PACSIN2: variants seen among roughly 807,000 people sequenced by gnomAD.
PACSIN2 encodes protein kinase C and casein kinase substrate in neurons 2.
A neutral mutation model predicts 63.8 loss-of-function variants in PACSIN2; 25 were observed. That is an observed-to-expected ratio of 0.39 (90% CI 0.29 to 0.55). The LOEUF is 0.55. Among genes scored for constraint, PACSIN2 ranks in the 20% least tolerant of loss-of-function variants. The probability of loss-of-function intolerance (pLI) is 0.62; values close to 1 mark genes in which losing one functional copy is unlikely to be tolerated. For synonymous variants in PACSIN2, 255 were observed against 256.2 expected (o/e 1.00, Z 0.05); for missense variants, 518 against 646.9 (o/e 0.80, Z 2.16).
Position 42,871,222 on chromosome 22 carries a change from G to A in PACSIN2, c.*135C>T. The A allele has an allele frequency of 1.5e-6, 1 of 658,258 alleles. No homozygotes were observed. The highest frequency in any genetic ancestry group is 2.8e-6 in the Non-Finnish European group (1 of 361,154). 40.8% of individuals were successfully genotyped at this position (658,258 alleles called of 1,614,324 possible). ...CCCAGGCGAAATGACCAGCTCATCT[G>A]CCTTCCAGGAACACCATGAAGCCAA... is the stretch of plus-strand genomic sequence containing the variant. On this transcript the variant is annotated 3_prime_UTR_variant, in exon 11 of 11. Transcript: ENST00000263246. The surrounding 1 kb of genome is among the most constrained non-coding windows in gnomAD (Gnocchi z 5.4).
At chr22:42,890,886 G>A (rs752867245) in intron 4 of PACSIN2, 61 bp downstream of exon 4, 8 of 1,358,344 alleles carry the variant, frequency 5.9e-6, no homozygotes, top group African/African-American at 2.9e-5. Context: ...AGGAGGTGGT[G>A]CTGCTAGTGG....
intron 1 of PACSIN2, among the ~76,000 whole-genome samples, chr22:43,010,302 C>G (rs1274379913): frequency 6.6e-6 from 1 of 150,764 alleles, no homozygotes; most frequent in East Asian, 1.9e-4. Flanking sequence ...ACTTTGGGAA[C>G]CCGAGATGGG....
intron 1 of PACSIN2, among the ~76,000 whole-genome samples, chr22:43,006,332 C>T (rs887101657): frequency 2.0e-5 from 3 of 152,146 alleles, no homozygotes; most frequent in African/African-American, 7.2e-5. Context: ...GTTTTGGAGA[C>T]ATTGAAACAT....
intron 1 of PACSIN2, among the ~76,000 whole-genome samples, chr22:43,010,398 A>ATTTTT (rs1555950816): frequency 1.6e-5 from 2 of 126,410 alleles, no homozygotes; most frequent in South Asian, 5.4e-4. Context: ...ATATATATAT[A>ATTTTT]TTTTTTTTTA....
intron 1 of PACSIN2, among the ~76,000 whole-genome samples, chr22:42,918,296 C>A (rs980078017): frequency 1.3e-5 from 2 of 152,124 alleles, no homozygotes; most frequent in South Asian, 2.1e-4. Flanking sequence ...TTATATCCCC[C>A]AAAGACAGCT....
At chr22:42,941,645 TA>T (rs1490704896) in intron 1 of PACSIN2, among the ~76,000 whole-genome samples, 1 of 152,264 alleles carries the variant, frequency 6.6e-6, no homozygotes, top group Non-Finnish European at 1.5e-5. Flanking sequence ...TGACTAGTGA[TA>T]TTGGGTATCT....
intron 2 of PACSIN2, among the ~76,000 whole-genome samples, chr22:42,896,371 CG>C (rs1930284844): frequency 1.8e-5 from 1 of 55,234 alleles, no homozygotes; most frequent in Non-Finnish European, 5.2e-5. Context: ...AAGTAGTATT[CG>C]ATTGTGTAGT....
At chr22:42,944,753 A>G (rs1933334581) in intron 1 of PACSIN2, among the ~76,000 whole-genome samples, 1 of 152,218 alleles carries the variant, frequency 6.6e-6, no homozygotes, top group African/African-American at 2.4e-5. Flanking sequence ...AATTGGGTAT[A>G]AGCAAAAAAG....
At chr22:43,002,063 A>T (rs1923802692) in intron 1 of PACSIN2, among the ~76,000 whole-genome samples, 1 of 152,186 alleles carries the variant, frequency 6.6e-6, no homozygotes, top group Non-Finnish European at 1.5e-5. Flanking sequence ...GAACAGAAAA[A>T]CAAACAAGCA....
chr22:42,926,309 G>A (rs772616672), intron 1 of PACSIN2, among the ~76,000 whole-genome samples: 1 of 152,150 alleles, frequency 6.6e-6, no homozygotes, highest in African/African-American at 2.4e-5. Flanking sequence ...GCAGGTCCTA[G>A]GCCCTCCAGA....
At chr22:42,958,050 CTGAG>C (rs1304245795) in intron 1 of PACSIN2, among the ~76,000 whole-genome samples, 1 of 151,696 alleles carries the variant, frequency 6.6e-6, no homozygotes, top group Non-Finnish European at 1.5e-5. Flanking sequence ...TGAATAAAAG[CTGAG>C]TGTTTGAAAG....
chr22:42,876,844 CAG>C (rs767225259), intron 9 of PACSIN2, 42 bp downstream of exon 9: 3 of 1,612,582 alleles, frequency 1.9e-6, no homozygotes, highest in Admixed American at 1.7e-5. Flanking sequence ...GGAAGAGAGA[CAG>C]AGTGAGCGCG....
chr22:42,944,204 C>G (rs1933305231), intron 1 of PACSIN2, among the ~76,000 whole-genome samples: 1 of 152,168 alleles, frequency 6.6e-6, no homozygotes, highest in Non-Finnish European at 1.5e-5. Flanking sequence ...CTGAGGGACT[C>G]TGTGGAACCG....
chr22:42,935,979 C>T (rs181212002), intron 1 of PACSIN2, among the ~76,000 whole-genome samples: 5 of 152,148 alleles, frequency 3.3e-5, no homozygotes, highest in Admixed American at 2.0e-4. Context: ...TTTGGGAGGC[C>T]GAGGTGGGTG....
chr22:42,981,664 C>G (rs1400566024), intron 1 of PACSIN2, among the ~76,000 whole-genome samples: 2 of 125,184 alleles, frequency 1.6e-5, no homozygotes, highest in East Asian at 2.6e-4. Context: ...GTCAGCCCCC[C>G]GCCCGGCCAG....
At chr22:42,952,414 G>A (rs1170160974) in intron 1 of PACSIN2, among the ~76,000 whole-genome samples, 1 of 151,802 alleles carries the variant, frequency 6.6e-6, no homozygotes, top group Non-Finnish European at 1.5e-5. Context: ...GGAGTGCAGT[G>A]GCATGATCTT....
chr22:43,007,147 G>C (rs1007290135), intron 1 of PACSIN2, among the ~76,000 whole-genome samples: 1 of 151,892 alleles, frequency 6.6e-6, no homozygotes, highest in Non-Finnish European at 1.5e-5. Flanking sequence ...TGTCCTCCAG[G>C]AGAATATAAG....
intron 1 of PACSIN2, among the ~76,000 whole-genome samples, chr22:42,992,557 T>C (rs1923112688): frequency 6.6e-6 from 1 of 152,182 alleles, no homozygotes; most frequent in Non-Finnish European, 1.5e-5. Context: ...AGATCAGTCT[T>C]GGCAACATAG....
chr22:43,001,456 G>A (rs1275352188), intron 1 of PACSIN2, among the ~76,000 whole-genome samples: 2 of 152,242 alleles, frequency 1.3e-5, no homozygotes, highest in African/African-American at 4.8e-5. Flanking sequence ...AAAGCATCAA[G>A]CAAAGCATCA....
Sources: allele counts gnomAD v4.1 joint callset (sites outside exome capture counted in the v4.1 genomes callset), GRCh38; gene constraint gnomAD v4.1.1; non-coding constraint Gnocchi (gnomAD v3.1); transcripts MANE v1.5; gene names NCBI Gene and HGNC (gene_info 2026-07-23, HGNC 2026-07-21).